The following EXTL3 variants were observed in gnomAD, a reference collection of about 807,000 sequenced individuals.
EXTL3 encodes the protein exostosin-like 3.
Under a neutral mutation model 69.3 loss-of-function variants are expected in EXTL3, and 27 were observed. The ratio of observed to expected loss-of-function variants is 0.39; its 90% CI spans 0.29 to 0.54. The LOEUF (loss-of-function observed/expected upper bound fraction) is 0.54. Ranked by LOEUF, EXTL3 falls within the 20% of genes least tolerant of loss-of-function variation. The pLI is 0.69. For missense variants in EXTL3, 1,003 were observed against 1,231.8 expected (o/e 0.81, Z 2.78); for synonymous variants, 511 against 499.4 (o/e 1.02, Z -0.31).
intron 1 of EXTL3, among the ~76,000 whole-genome samples, chr8:28,669,880 C>G (rs900225525): frequency 1.3e-5 from 2 of 152,054 alleles, no homozygotes; most frequent in Non-Finnish European, 2.9e-5. Context: ...ATCTGAATCA[C>G]CTGTACTGAG....
At chr8:28,737,073 GT>G (rs1234087033) in intron 4 of EXTL3, among the ~76,000 whole-genome samples, 1 of 152,182 alleles carries the variant, frequency 6.6e-6, no homozygotes, top group Non-Finnish European at 1.5e-5. Flanking sequence ...GGCCTCCCAA[GT>G]GCTGAGGTTA....
chr8:28,701,308 G>A (rs1800780955), upstream of EXTL3: 1 of 151,562 alleles, frequency 6.6e-6, no homozygotes, highest in Non-Finnish European at 1.5e-5. Flanking sequence ...GGCGGCCGGC[G>A]CGCCCCCCCG....
At position 28,729,727 on chromosome 8, in the gene EXTL3, G is replaced by A. The variant is rs575564178; in HGVS notation, c.2149-1496G>A. Among the ~76,000 whole-genome samples the A allele has an allele frequency of 3.9e-5, 6 of 152,064 alleles. No individual in the cohort carries two copies. In the South Asian group the frequency reaches 8.3e-4, roughly 21 times the overall value. ...ATCAAAGTATGAGTTAGGACCGGGC[G>A]TGGTGGCTCATGCCTGTAATCCTTG... is the stretch of plus-strand genomic sequence containing the variant. On this transcript the variant is annotated intron_variant, in intron 3 of 6. Transcript: ENST00000220562.
intron 1 of EXTL3, among the ~76,000 whole-genome samples, chr8:28,685,199 C>A (rs577781758): frequency 1.7e-4 from 26 of 152,320 alleles, no homozygotes; most frequent in Admixed American, 1.6e-3. Context: ...ATCCACCCAC[C>A]TCGGCCTCCC....
At chr8:28,648,731 C>T (rs1420410060) in intron 1 of EXTL3, among the ~76,000 whole-genome samples, 3 of 151,932 alleles carry the variant, frequency 2.0e-5, no homozygotes, top group Non-Finnish European at 2.9e-5. Context: ...GATCATAAGG[C>T]ACATTCTTTT....
At chr8:28,651,218 A>T (rs2130603312) in intron 1 of EXTL3, among the ~76,000 whole-genome samples, 1 of 152,264 alleles carries the variant, frequency 6.6e-6, no homozygotes, top group Non-Finnish European at 1.5e-5. Context: ...TACCTTTAAA[A>T]ACAGAATACA....
intron 1 of EXTL3, among the ~76,000 whole-genome samples, chr8:28,711,194 C>T (rs1474902322): frequency 2.6e-5 from 4 of 152,164 alleles, no homozygotes; most frequent in Non-Finnish European, 5.9e-5. Context: ...CTGTTTCATT[C>T]CTGCTATTGG....
intron 1 of EXTL3, among the ~76,000 whole-genome samples, chr8:28,651,406 G>A (rs555632578): frequency 1.3e-4 from 20 of 152,066 alleles, no homozygotes; most frequent in Non-Finnish European, 2.6e-4. Context: ...ACTCACTGCA[G>A]CCTCGAACTC....
chr8:28,681,508 ACT>A (rs1209399047), intron 1 of EXTL3, among the ~76,000 whole-genome samples: 1 of 151,818 alleles, frequency 6.6e-6, no homozygotes, highest in Non-Finnish European at 1.5e-5. Flanking sequence ...ACAGAGCGAG[ACT>A]CTGTCTCAAA....
upstream of EXTL3, among the ~76,000 whole-genome samples, chr8:28,620,450 T>G (rs1806395926): frequency 1.3e-5 from 2 of 152,184 alleles, 1 homozygote; most frequent in South Asian, 4.1e-4. Context: ...AGAATGGGGA[T>G]GCTGTTTCCC....
At chr8:28,695,719 G>C (rs1800675935) in intron 1 of EXTL3, among the ~76,000 whole-genome samples, 1 of 152,132 alleles carries the variant, frequency 6.6e-6, no homozygotes, top group Non-Finnish European at 1.5e-5. Context: ...CAGTAGGCTG[G>C]GACCAGAGGG....
At chr8:28,631,916 C>T (rs1033669899) in intron 1 of EXTL3, among the ~76,000 whole-genome samples, 2 of 151,684 alleles carry the variant, frequency 1.3e-5, no homozygotes, top group Non-Finnish European at 2.9e-5. Context: ...GGTGAAACCC[C>T]GTCTCTACTA....
At chr8:28,659,248 T>G (rs537058002) in intron 1 of EXTL3, among the ~76,000 whole-genome samples, 1 of 152,324 alleles carries the variant, frequency 6.6e-6, no homozygotes, top group East Asian at 1.9e-4. Context: ...CTTCATTTTT[T>G]TTTTTTTCCA....
chr8:28,725,693 A>G (rs1348865197), intron 3 of EXTL3, among the ~76,000 whole-genome samples: 1 of 152,188 alleles, frequency 6.6e-6, no homozygotes, highest in Non-Finnish European at 1.5e-5. Context: ...CTTGAAAGTG[A>G]GTCTTCCTGT....
chr8:28,609,246 A>C (rs541061538), intron 2 of EXTL3, among the ~76,000 whole-genome samples: 3 of 152,172 alleles, frequency 2.0e-5, no homozygotes, highest in Admixed American at 2.0e-4. Flanking sequence ...CAGAGAAACG[A>C]GTCTGGATTT....
At chr8:28,675,661 G>T (rs1355893034) in intron 1 of EXTL3, among the ~76,000 whole-genome samples, 1 of 152,200 alleles carries the variant, frequency 6.6e-6, no homozygotes, top group African/African-American at 2.4e-5. Context: ...GGATGGGGCT[G>T]AATGTTTTGA....
At chr8:28,682,291 T>C (rs1342803745) in intron 1 of EXTL3, among the ~76,000 whole-genome samples, 1 of 152,218 alleles carries the variant, frequency 6.6e-6, no homozygotes, top group Non-Finnish European at 1.5e-5. Context: ...CATTTTTAAA[T>C]TGGGTTATTA....
chr8:28,702,233 G>A (rs973111875), intron 1 of EXTL3, among the ~76,000 whole-genome samples: 1 of 152,152 alleles, frequency 6.6e-6, no homozygotes, highest in Non-Finnish European at 1.5e-5. Context: ...CCTCCTTTCA[G>A]GAGCCACAGT....
chr8:28,712,346 CTTGAAAATA>C (rs1801046934), intron 1 of EXTL3, among the ~76,000 whole-genome samples: 1 of 152,082 alleles, frequency 6.6e-6, no homozygotes, highest in South Asian at 2.1e-4. Context: ...AGTGGGCAGC[CTTGAAAATA>C]TTGAGAGGGG....
Sources: allele counts gnomAD v4.1 joint callset (sites outside exome capture counted in the v4.1 genomes callset), GRCh38; gene constraint gnomAD v4.1.1; transcripts MANE v1.5; gene names NCBI Gene and HGNC (gene_info 2026-07-23, HGNC 2026-07-21).